Variants in NDRG4 observed in about 807,000 individuals in gnomAD.
The protein encoded by NDRG4 is protein NDRG4.
In NDRG4, 38 loss-of-function variants were observed where a neutral mutation model predicts 55.8. The ratio of observed to expected loss-of-function variants is 0.68; its 90% CI spans 0.53 to 0.89. The LOEUF (loss-of-function observed/expected upper bound fraction) is 0.89, where lower values mean the gene tolerates loss of function less well. Among genes scored for constraint, NDRG4 ranks in the 40% least tolerant of loss-of-function variants. The pLI, the probability that NDRG4 is intolerant of heterozygous loss-of-function variation, is 0.00. For synonymous variants in NDRG4, 190 were observed against 182.7 expected, an observed-to-expected ratio of 1.04 and a Z score of -0.32; for missense variants, 455 against 468.6, an observed-to-expected ratio of 0.97 and a Z score of 0.27.
chr16:58,467,247 C>T (rs1028559280), intron 1 of NDRG4, among the ~76,000 whole-genome samples: 1 of 152,204 alleles, frequency 6.6e-6, no homozygotes, highest in South Asian at 2.1e-4. Flanking sequence ...GTGGCTCACA[C>T]CTGTAATTCC....
intron 7 of NDRG4, 93 bp downstream of exon 7, chr16:58,506,707 G>A (rs2038080136): frequency 3.5e-6 from 5 of 1,411,446 alleles, no homozygotes; most frequent in Non-Finnish European, 4.9e-6. Context: ...TTTGGCATCT[G>A]ACCTGGCTCA....
At chr16:58,504,697 G>A in intron 5 of NDRG4, 48 bp downstream of exon 5, 1 of 1,608,592 alleles carries the variant, frequency 6.2e-7, no homozygotes, top group Non-Finnish European at 8.5e-7. Context: ...GGCAAGCCAG[G>A]GATGTCCCAG....
At chr16:58,481,647 C>T (rs893317968) in intron 1 of NDRG4, among the ~76,000 whole-genome samples, 5 of 152,242 alleles carry the variant, frequency 3.3e-5, no homozygotes, top group East Asian at 1.9e-4. Context: ...GCCACCCACC[C>T]GGGGAGGCGG....
chr16:58,500,686 A>AG, intron 1 of NDRG4: 1 of 433,688 alleles, frequency 2.3e-6, no homozygotes. Context: ...CCATCAGGCC[A>AG]GGGGGCGGGG....
chr16:58,470,906 CCAA>C (rs1323985613), intron 1 of NDRG4, among the ~76,000 whole-genome samples: 28 of 79,768 alleles, frequency 3.5e-4, no homozygotes, highest in African/African-American at 1.5e-3. Context: ...GACACCATCT[CCAA>C]AAAAAAAAAA....
At chr16:58,506,868 C>T in intron 7 of NDRG4, 44 bp from the exon 8 acceptor site, 1 of 1,559,804 alleles carries the variant, frequency 6.4e-7, no homozygotes, top group African/African-American at 1.4e-5. Flanking sequence ...CTGCGTCCCT[C>T]TGTCTGCCCC....
intron 2 of NDRG4, among the ~76,000 whole-genome samples, chr16:58,494,396 CCCCTTCCCT>C (rs1198215505): frequency 2.0e-5 from 3 of 152,214 alleles, no homozygotes; most frequent in Non-Finnish European, 4.4e-5. Context: ...GCCCACCTCC[CCCCTTCCCT>C]CCCTTCCTTC....
At chr16:58,503,715 G>C (rs1420717580) in intron 1 of NDRG4, 83 bp from the exon 2 acceptor site, 1 of 1,586,796 alleles carries the variant, frequency 6.3e-7, no homozygotes, top group Non-Finnish European at 8.6e-7. Context: ...GGCCTAACAG[G>C]TACCAGGCTG....
At chr16:58,470,721 A>G (rs971111856) in intron 1 of NDRG4, among the ~76,000 whole-genome samples, 2 of 152,096 alleles carry the variant, frequency 1.3e-5, no homozygotes, top group Non-Finnish European at 2.9e-5. Context: ...GGCCTGGCCA[A>G]CATGGCAAAA....
chr16:58,502,231 A>G, intron 1 of NDRG4: 1 of 340,018 alleles, frequency 2.9e-6, no homozygotes, highest in Non-Finnish European at 6.0e-6. Flanking sequence ...ACTGTGGGTC[A>G]GTGGTCAGTG....
In NDRG4 at chr16:58,511,752, G is replaced by A. The variant is rs770488529; in HGVS notation, c.*176G>A. The A allele has an allele frequency of 2.6e-6, 2 of 782,260 alleles. No individual in the cohort carries two copies. The highest frequency in any genetic ancestry group is 3.0e-5 in the South Asian group (2 of 66,416). 48.5% of individuals were successfully genotyped at this position (782,260 alleles called of 1,614,324 possible). On this transcript the variant is annotated 3_prime_UTR_variant, in exon 15 of 15. Coordinates refer to ENST00000570248, the MANE Select transcript of NDRG4 (RefSeq NM_001242835.2). The stretch of plus-strand genomic sequence containing the variant: ...GAACAGTCTCCAGGTGTTTTAAGGG[G>A]CTCAGTCCTCCTCATCCCATCTCAC...
rs1382361332 is a variant in NDRG4, at chr16:58,487,978, G to T, written c.72+128G>T. 3 of 639,406 alleles carry T rather than the reference G, an allele frequency of 4.7e-6. No homozygotes were observed. The East Asian group carries it at 1.0e-4, about 21-fold the overall frequency. The allele number at this position is 639,406 out of a possible 1,614,324, so 39.6% of individuals were successfully genotyped here. The stretch of plus-strand genomic sequence containing the variant: ...AGCCACACCGAGAAGCCCTGTCCCT[G>T]CCTGTGGGGGGAGTTCCGGCAGGCC... On this transcript the variant is annotated intron_variant, in intron 2 of 15. Transcript: ENST00000258187.
chr16:58,502,955 C>T (rs1368658906), intron 1 of NDRG4, among the ~76,000 whole-genome samples: 1 of 152,248 alleles, frequency 6.6e-6, no homozygotes, highest in Non-Finnish European at 1.5e-5. Context: ...CTTTCTGGGG[C>T]TTTCTCCAAG....
intron 1 of NDRG4, among the ~76,000 whole-genome samples, chr16:58,471,408 C>T (rs954448600): frequency 3.3e-5 from 5 of 152,110 alleles, no homozygotes; most frequent in Non-Finnish European, 7.4e-5. Flanking sequence ...AGTCTGCCAG[C>T]CTCGTTCTGA....
rs2031148155 is a variant in NDRG4, at chr16:58,464,357, G to T, written c.-24+560G>T. ...TGCCGCTCCGCTCCGGGTCTCCCGC[G>T]CTCCTCTCCCCGGCTCGGCCGAGCG... is the stretch of plus-strand genomic sequence containing the variant. On this transcript the variant is annotated intron_variant, in intron 1 of 15. Transcript: ENST00000258187. The surrounding 1 kb of genome is among the most constrained non-coding windows in gnomAD (Gnocchi z 4.8). The T allele has an allele frequency of 1.5e-6, 2 of 1,296,962 alleles. No individual in the cohort carries two copies. Among genetic ancestry groups the T allele is most frequent in the Non-Finnish European group, 9.9e-7 (1 of 1,007,650 alleles). 80.3% of individuals were successfully genotyped at this position (1,296,962 alleles called of 1,614,324 possible).
intron 2 of NDRG4, among the ~76,000 whole-genome samples, chr16:58,491,407 A>G (rs1274636274): frequency 6.6e-6 from 1 of 150,874 alleles, no homozygotes; most frequent in African/African-American, 2.4e-5. Flanking sequence ...GCGCTCACAG[A>G]CGATTCTCCT....
At chr16:58,503,943 C>T (rs768136996) in intron 2 of NDRG4, 40 bp downstream of exon 2, 1 of 1,604,834 alleles carries the variant, frequency 6.2e-7, no homozygotes, top group South Asian at 1.1e-5. Context: ...CCTCTGCCTC[C>T]CATCAGCCAG....
upstream of NDRG4, chr16:58,499,787 T>A: frequency 3.4e-6 from 1 of 293,014 alleles, no homozygotes; most frequent in Non-Finnish European, 6.6e-6. Flanking sequence ...GCTGTGCATG[T>A]CTGTGACGAC....
intron 1 of NDRG4, among the ~76,000 whole-genome samples, chr16:58,480,475 C>A (rs1042009406): frequency 4.6e-5 from 7 of 152,224 alleles, no homozygotes; most frequent in African/African-American, 1.7e-4. Flanking sequence ...CTCTTGACAG[C>A]CAGCCCTGTC....
Sources: allele counts gnomAD v4.1 joint callset (sites outside exome capture counted in the v4.1 genomes callset), GRCh38; gene constraint gnomAD v4.1.1; non-coding constraint Gnocchi (gnomAD v3.1); transcripts MANE v1.5; gene names NCBI Gene and HGNC (gene_info 2026-07-23, HGNC 2026-07-21).